RECQL4: variants seen among roughly 807,000 people sequenced by gnomAD.
The protein encoded by RECQL4 is ATP-dependent DNA helicase Q4.
RECQL4 carries 158 observed loss-of-function variants against 128.6 expected under a neutral mutation model. The observed-to-expected ratio is 1.23, with a 90% CI of 1.08 to 1.40. The LOEUF is 1.40. Among genes scored for constraint, RECQL4 ranks in the 40% most tolerant of loss-of-function variants. The pLI is 0.00. For synonymous variants in RECQL4, 996 were observed against 678.9 expected (o/e 1.47, Z -7.26); for missense variants, 2,293 against 1,649.8 (o/e 1.39, Z -6.75).
At chr8:144,516,945 G>T in intron 4 of RECQL4, 105 bp downstream of exon 4, 1 of 1,487,222 alleles carries the variant, frequency 6.7e-7, no homozygotes, top group African/African-American at 1.4e-5. Flanking sequence ...GCCCTGGTTG[G>T]CACAGGGGCC....
Position 144,512,534 on chromosome 8 carries a change from G to T in RECQL4, c.2913C>A (p.Ala971=). 6.2e-7 allele frequency: 1 copy of T among 1,612,594 alleles called. No homozygotes were observed. The highest frequency in any genetic ancestry group is 1.7e-5 in the Admixed American group (1 of 60,022). ...HRCPPLAVCL[A]QQLPEDPGQG... ...GCCCTGGGTCCTCAGGCAGCTGCTG[G>T]GCCAAGCACACAGCCAAAGGGGGAC... Residue 971 remains alanine, a synonymous_variant, in exon 17 of 21, where the codon GCC becomes GCA. Coordinates refer to ENST00000617875, the MANE Select transcript of RECQL4 (RefSeq NM_004260.4).
intron 19 of RECQL4, 26 bp downstream of exon 19, chr8:144,511,885 G>T (rs367836099): frequency 5.0e-6 from 8 of 1,609,902 alleles, no homozygotes; most frequent in Non-Finnish European, 6.8e-6. Context: ...CAACCCCGAT[G>T]AGCTGCCTGG....
rs751271908 is a variant in RECQL4, at chr8:144,516,138, T to C, written c.981A>G (p.Gln327=). The C allele has an allele frequency of 3.1e-6, 5 of 1,613,104 alleles. No homozygotes were observed. In the African/African-American group the frequency reaches 4.0e-5, roughly 13 times the overall value. Residue 327 remains glutamine, a synonymous_variant, in exon 5 of 21, where the codon CAA becomes CAG. Transcript: ENST00000617875. ...PRYHGLSPSS[Q]ARAGKAEGTA... is the part of the protein sequence containing the mutation. ...TGCCCTCAGCCTTCCCAGCCCTAGC[T>C]TGACTGGAGGGGCTGAGTCCGTGGT...
At chr8:144,516,823 C>G in intron 4 of RECQL4, 59 bp from the exon 5 acceptor site, 1 of 1,473,258 alleles carries the variant, frequency 6.8e-7, no homozygotes, top group Non-Finnish European at 9.1e-7. Flanking sequence ...ACTGTAGACT[C>G]TAAAACCTAC....
intron 6 of RECQL4, 115 bp from the exon 7 acceptor site, chr8:144,515,572 GCTA>G (rs1047066009): frequency 1.9e-5 from 29 of 1,532,080 alleles, no homozygotes; most frequent in South Asian, 9.4e-5. Context: ...CTTCCTCTGG[GCTA>G]CTTTTTCCAA....
At position 144,517,757 on chromosome 8, in the gene RECQL4, G is replaced by A. The variant is rs757678397; in HGVS notation, c.28C>T (p.Arg10Trp). The change falls in exon 1 of 21, where the codon CGG becomes TGG. Residue 10 changes from arginine (R) to tryptophan (W), a missense_variant. Arg to Trp is a moderately radical substitution (Grantham distance 101). Coordinates refer to ENST00000617875, the MANE Select transcript of RECQL4 (RefSeq NM_004260.4). MERLRDVRE[R>W]LQAWERAFRR... ...AACGCGCGCTCCCACGCCTGCAGCCGCTCCCGCACGTCCCGCAGCCGCTCC... is the reference window on the plus strand; with the variant it reads ...AACGCGCGCTCCCACGCCTGCAGCCACTCCCGCACGTCCCGCAGCCGCTCC... 7 of 1,311,306 alleles carry A rather than the reference G, an allele frequency of 5.3e-6. No homozygotes were observed. Among genetic ancestry groups the A allele is most frequent in the East Asian group, 6.7e-5 (2 of 29,800 alleles). 81.2% of individuals were successfully genotyped at this position (1,311,306 alleles called of 1,614,324 possible).
chr8:144,514,007 TCAGC>T lies in RECQL4; in HGVS notation c.1975_1978del (p.Ala659LysfsTer30). ...GGCTGGCCCGTGGAGGTCAGGCTCTTCAGCCACAGCCAGGTGCTGTGCCACGTCA... is the reference window on the plus strand; with the variant it reads ...GGCTGGCCCGTGGAGGTCAGGCTCTTCACAGCCAGGTGCTGTGCCACGTCA... On this transcript the variant is annotated frameshift_variant, in exon 12 of 21. Transcript: ENST00000617875. LOFTEE classifies it high-confidence loss of function. 1 of 1,569,922 alleles carries T rather than the reference TCAGC, an allele frequency of 6.4e-7. No homozygotes were observed. The highest frequency in any genetic ancestry group is 2.4e-5 in the East Asian group (1 of 42,170).
rs1586835584 is a variant in RECQL4, at chr8:144,517,701, C to G, written c.84G>C (p.Gln28His). 3 of 1,388,146 alleles carry G rather than the reference C, an allele frequency of 2.2e-6. No homozygotes were observed. The highest frequency in any genetic ancestry group is 2.8e-6 in the Non-Finnish European group (3 of 1,072,078). The allele number at this position is 1,388,146 out of a possible 1,614,324, so 86.0% of individuals were successfully genotyped here. A position where few individuals can be genotyped will look rare whatever the true frequency, so the allele number is the denominator to read the frequency against. The change falls in exon 1 of 21, where the codon CAG (glutamine) becomes CAC (histidine). Residue 28 changes from glutamine to histidine, a missense_variant and splice_region_variant. By Grantham distance (24) the Gln-to-His change is conservative. Coordinates refer to ENST00000617875, the MANE Select transcript of RECQL4 (RefSeq NM_004260.4). ...CCCTCGGCCCCTGGGCAGCCCGCAC[C>G]TGGCTCGGTCGCCGCCCGCGCTGCC... ...FRRQRGRRPS[Q>H]DDVEAAPEET... is the part of the protein sequence containing the mutation.
At position 144,516,046 on chromosome 8, in the gene RECQL4, A is replaced by G. The variant is rs376652305; in HGVS notation, c.1073T>C (p.Met358Thr). 8.7e-6 allele frequency: 14 copies of G among 1,612,360 alleles called. No individual in the cohort carries two copies. Among genetic ancestry groups the G allele is most frequent in the East Asian group, 2.2e-5 (1 of 44,880 alleles). Residue 358 changes from methionine to threonine, a missense_variant, in exon 5 of 21, where the codon ATG becomes ACG. Transcript: ENST00000617875. ...HDRGNYVRLN[M>T]KQKHYVRGRA... ...GCCCCGCACGTAGTGTTTCTGCTTC[A>G]TGTTGAGCCGTACGTAATTGCCCCT...
intron 11 of RECQL4, 37 bp downstream of exon 11, chr8:144,514,152 G>T (rs769963622): frequency 1.2e-6 from 2 of 1,610,852 alleles, no homozygotes; most frequent in Admixed American, 1.7e-5. Flanking sequence ...AGCCCATCCC[G>T]GCCCTGGCCG....
chr8:144,516,932 C>T, intron 4 of RECQL4, 118 bp downstream of exon 4: 1 of 1,458,332 alleles, frequency 6.9e-7, no homozygotes, highest in Non-Finnish European at 9.2e-7. Context: ...CCTGAAGACT[C>T]GTGCCCTGGT....
rs1483677181 is a variant in RECQL4, at chr8:144,515,312, A to T, written c.1390+14T>A. On this transcript the variant is annotated intron_variant, in intron 7 of 20. Coordinates refer to ENST00000617875, the MANE Select transcript of RECQL4 (RefSeq NM_004260.4). ...CCCTCAGTGAAGGCTCTGGGCCAGA[A>T]GCTGACTGCTCACCTGCCAACTGCC... 1 of 1,612,110 alleles carries T rather than the reference A, an allele frequency of 6.2e-7. No individual in the cohort carries two copies. The highest frequency in any genetic ancestry group is 1.3e-5 in the African/African-American group (1 of 74,926).
At position 144,512,274 on chromosome 8, in the gene RECQL4, G is replaced by A. The variant is rs1827388895; in HGVS notation, c.3106C>T (p.His1036Tyr). ...GTCAAGTCCCCCGGGCTGCGAAGGT[G>A]GAAGGCCAGCTCACTGAACTCCACA... ...VLVEFSELAFHLRSPGDLTAE... is the reference protein window; with the variant it reads ...VLVEFSELAFYLRSPGDLTAE... Residue 1036 changes from histidine (H) to tyrosine (Y), a missense_variant, in exon 18 of 21, where the codon CAC (histidine) becomes TAC (tyrosine). Transcript: ENST00000617875. 6.2e-7 allele frequency: 1 copy of A among 1,612,512 alleles called. No individual in the cohort carries two copies. The highest frequency in any genetic ancestry group is 2.2e-5 in the East Asian group (1 of 44,882).
chr8:144,517,071 G>C lies in RECQL4; in HGVS notation c.333C>G (p.Ala111=), dbSNP rs775455110. 6.2e-7 allele frequency: 1 copy of C among 1,611,548 alleles called. No homozygotes were observed. Among genetic ancestry groups the C allele is most frequent in the African/African-American group, 1.3e-5 (1 of 74,936 alleles). ...TCACCTGCAGGGTGCCTTTCAGATTGGCCTTGAGCCGCTGCCCGTAGTCCG... is the reference window on the plus strand; with the variant it reads ...TCACCTGCAGGGTGCCTTTCAGATTCGCCTTGAGCCGCTGCCCGTAGTCCG... The part of the protein sequence containing the change: ...SVPDYGQRLK[A]NLKGTLQAGP... The change falls in exon 4 of 21, where the codon GCC becomes GCG. Residue 111 remains alanine (A), a synonymous_variant. Coordinates refer to ENST00000617875, the MANE Select transcript of RECQL4 (RefSeq NM_004260.4).
chr8:144,511,622 C>T, intron 20 of RECQL4, 59 bp downstream of exon 20: 4 of 1,606,940 alleles, frequency 2.5e-6, no homozygotes, highest in Non-Finnish European at 3.4e-6. Flanking sequence ...GCCTCCCAGG[C>T]CTCACCTGCC....
intron 17 of RECQL4, 34 bp from the exon 18 acceptor site, chr8:144,512,358 C>T (rs764754383): frequency 2.0e-5 from 32 of 1,609,224 alleles, no homozygotes; most frequent in South Asian, 3.3e-5. Context: ...AGGCAGGCAG[C>T]GTCCAGGGCG....
rs2130647220 is a variant in RECQL4 at position 144,511,372 on chromosome 8, G to A, written c.*59C>T. 3.1e-6 allele frequency: 5 copies of A among 1,595,340 alleles called. No homozygotes were observed. Among genetic ancestry groups the A allele is most frequent in the East Asian group, 2.3e-5 (1 of 44,338 alleles). ...GTGGCAGGTTTTGCCCAGGTCCTCA[G>A]TCACTGCCCTAGCCTCTGACAACCC... On this transcript the variant is annotated 3_prime_UTR_variant, in exon 21 of 21. Transcript: ENST00000617875.
Position 144,517,483 on chromosome 8 carries a change from C to T in RECQL4, c.144G>A (p.Leu48=). 2 of 1,597,662 alleles carry T rather than the reference C, an allele frequency of 1.3e-6. No homozygotes were observed. Among genetic ancestry groups the T allele is most frequent in the South Asian group, 1.1e-5 (1 of 89,612 alleles). ...CGCCGGCCTGGCCCGTGGTACGCTTCAGAGTGCGGTATTCCCGGTAGAGCG... is the reference window on the plus strand; with the variant it reads ...CGCCGGCCTGGCCCGTGGTACGCTTTAGAGTGCGGTATTCCCGGTAGAGCG... ...TRALYREYRT[L]KRTTGQAGGG... is the part of the protein sequence containing the mutation. The change falls in exon 3 of 21, where the codon CTG becomes CTA. Residue 48 remains leucine, a synonymous_variant. Coordinates refer to ENST00000617875, the MANE Select transcript of RECQL4 (RefSeq NM_004260.4).
rs1038685366 is a variant in RECQL4 at position 144,515,000 on chromosome 8, T to G, written c.1556A>C (p.Tyr519Ser). 2 of 1,611,274 alleles carry G rather than the reference T, an allele frequency of 1.2e-6. No individual in the cohort carries two copies. Among genetic ancestry groups the G allele is most frequent in the Non-Finnish European group, 1.7e-6 (2 of 1,179,406 alleles). The change falls in exon 9 of 21, where the codon TAC becomes TCC. Residue 519 changes from tyrosine to serine, a missense_variant. Transcript: ENST00000617875. Reference protein sequence around the residue: ...SLCYQLPALLYSRRSPCLTLV... With the variant: ...SLCYQLPALLSSRRSPCLTLV... Reference sequence around the variant, plus strand: ...CGTGAGGCAGGGGCTGCGCCGGCTGTAGAGCAGCGCTGGGAGCTGGTAGCA... The same window carrying G: ...CGTGAGGCAGGGGCTGCGCCGGCTGGAGAGCAGCGCTGGGAGCTGGTAGCA...
Sources: gnomAD v4.1 joint callset for allele counts on GRCh38, gnomAD v4.1.1 for gene constraint, MANE v1.5 for transcripts, NCBI Gene and HGNC (gene_info 2026-07-23, HGNC 2026-07-21) for gene names.